Variants in ITGA6 observed in about 807,000 individuals in gnomAD.
ITGA6 encodes integrin alpha-6.
Under a neutral mutation model 133.6 loss-of-function variants are expected in ITGA6, and 63 were observed. The ratio of observed to expected loss-of-function variants is 0.47; its 90% CI spans 0.38 to 0.58. The LOEUF (loss-of-function observed/expected upper bound fraction) is 0.58. Ranked by LOEUF, ITGA6 falls within the 20% of genes least tolerant of loss-of-function variation. ITGA6 has a pLI of 0.00. For synonymous variants in ITGA6, 434 were observed against 482.0 expected, an observed-to-expected ratio of 0.90 and a Z score of 1.30; for missense variants, 1,068 against 1,309.4, an observed-to-expected ratio of 0.82 and a Z score of 2.85.
chr2:172,456,512 A>G (rs1685214469), intron 1 of ITGA6, among the ~76,000 whole-genome samples: 1 of 152,222 alleles, frequency 6.6e-6, no homozygotes, highest in African/African-American at 2.4e-5. Flanking sequence ...TGAATGTTCA[A>G]TCTTTAGACA....
At chr2:172,494,270 GC>G (rs761886427) in intron 23 of ITGA6, among the ~76,000 whole-genome samples, 2 of 152,174 alleles carry the variant, frequency 1.3e-5, no homozygotes, top group Non-Finnish European at 2.9e-5. Context: ...ACTTTGGGAG[GC>G]CAAGGCAGGC....
chr2:172,478,693 G>T (rs1240111836), intron 9 of ITGA6, among the ~76,000 whole-genome samples: 1 of 152,242 alleles, frequency 6.6e-6, no homozygotes, highest in Non-Finnish European at 1.5e-5. Context: ...GCAGTAGGCA[G>T]CGCAGAGATG....
In ITGA6 at chr2:172,484,778, C is replaced by A; in HGVS notation, c.1550-4C>A. On this transcript the variant is annotated splice_region_variant and splice_polypyrimidine_tract_variant and intron_variant, in intron 11 of 25. Transcript: ENST00000684293. The stretch of plus-strand genomic sequence containing the variant: ...TACGTTAATATGATTTTAATTTTAT[C>A]TAGCAATTGTGGGCACACTTGAAGC... The A allele has an allele frequency of 6.2e-7, 1 of 1,613,154 alleles. No homozygotes were observed. Among genetic ancestry groups the A allele is most frequent in the East Asian group, 2.2e-5 (1 of 44,880 alleles).
intron 25 of ITGA6, chr2:172,503,886 A>G (rs1687450627): frequency 2.7e-6 from 1 of 376,816 alleles, no homozygotes. Context: ...CTTTTCTTCC[A>G]GTTTTACAGC....
chr2:172,454,794 T>C (rs983640004), intron 1 of ITGA6, among the ~76,000 whole-genome samples: 1 of 152,128 alleles, frequency 6.6e-6, no homozygotes, highest in Non-Finnish European at 1.5e-5. Context: ...GGCCCAGTGG[T>C]TCTTGTAATG....
chr2:172,432,771 C>T (rs1490703908), intron 1 of ITGA6, among the ~76,000 whole-genome samples: 1 of 152,182 alleles, frequency 6.6e-6, no homozygotes, highest in Non-Finnish European at 1.5e-5. Flanking sequence ...ACCTACACTG[C>T]AGTGGGTACT....
chr2:172,442,538 T>A (rs1684587787), intron 1 of ITGA6, among the ~76,000 whole-genome samples: 1 of 152,164 alleles, frequency 6.6e-6, no homozygotes, highest in Non-Finnish European at 1.5e-5. Flanking sequence ...AGAGTTCCTG[T>A]CTCTGATGTC....
intron 8 of ITGA6, 84 bp from the exon 9 acceptor site, chr2:172,476,311 G>C: frequency 1.2e-6 from 1 of 821,540 alleles, no homozygotes; most frequent in South Asian, 1.3e-5. Flanking sequence ...CAGTTCAAAA[G>C]AAACTTGTGT....
At chr2:172,431,047 A>G (rs1452126572) in intron 1 of ITGA6, among the ~76,000 whole-genome samples, 1 of 152,124 alleles carries the variant, frequency 6.6e-6, no homozygotes. Context: ...ATTTCTGCCA[A>G]CCCTCATTTT....
chr2:172,479,535 G>A (rs891904712), intron 9 of ITGA6, 106 bp from the exon 10 acceptor site: 1 of 908,918 alleles, frequency 1.1e-6, no homozygotes, highest in East Asian at 2.4e-5. Context: ...TTTTTCCTGT[G>A]TTTTTAAGCT....
chr2:172,430,901 A>G (rs565267593), intron 1 of ITGA6, among the ~76,000 whole-genome samples: 1 of 152,330 alleles, frequency 6.6e-6, no homozygotes, highest in African/African-American at 2.4e-5. Flanking sequence ...AAGGTATGTG[A>G]TGATGACTGT....
intron 23 of ITGA6, among the ~76,000 whole-genome samples, chr2:172,497,581 T>A (rs1687180363): frequency 1.3e-5 from 2 of 152,054 alleles, no homozygotes; most frequent in South Asian, 4.1e-4. Flanking sequence ...CTGTTAGATC[T>A]ATTTAACTGG....
In ITGA6 at chr2:172,493,801, CCT is replaced by C. The variant is rs1687018367; in HGVS notation, c.2988+2281_2988+2282del. On this transcript the variant is annotated intron_variant, in intron 23 of 25. Transcript: ENST00000684293. ...AGACCAGACCTTGGGTCTGATGTCT[CCT>C]CTTCAAGTGCTGTCTTCTTCTGGAA... Among the ~76,000 whole-genome samples the C allele has an allele frequency of 2.0e-5, 3 of 152,300 alleles. No homozygotes were observed. In the South Asian group the frequency reaches 6.2e-4, roughly 32 times the overall value.
rs144420350 is a variant in ITGA6, at chr2:172,488,237, G to C, written c.2505+9G>C. The C allele has an allele frequency of 9.9e-4, 1,573 of 1,582,704 alleles. 6 individuals are homozygous for C. The African/African-American group carries it at 0.014, about 14-fold the overall frequency. ...TAGAGTATGAATTCAGGGTAAGTTG[G>C]AGCAGTTGGTCTTTTCATTATACCA... On this transcript the variant is annotated intron_variant, in intron 19 of 25. Coordinates refer to ENST00000684293, the MANE Select transcript of ITGA6 (RefSeq NM_000210.4).
At chr2:172,444,011 G>A (rs1432840138) in intron 1 of ITGA6, among the ~76,000 whole-genome samples, 3 of 152,220 alleles carry the variant, frequency 2.0e-5, no homozygotes, top group African/African-American at 7.2e-5. Flanking sequence ...CTGGGCTCAA[G>A]TGATCCTCCC....
At chr2:172,465,866 C>T (rs932207091) in intron 2 of ITGA6, 1 of 743,600 alleles carries the variant, frequency 1.3e-6, no homozygotes, top group South Asian at 1.7e-5. Context: ...TTTTGCTGCT[C>T]CTCCTAACCG....
At chr2:172,475,572 T>G in intron 7 of ITGA6, 25 bp from the exon 8 acceptor site, 1 of 1,297,002 alleles carries the variant, frequency 7.7e-7, no homozygotes, top group Non-Finnish European at 1.1e-6. Context: ...TTTGTTAAAA[T>G]GTTAAAATGT....
intron 1 of ITGA6, among the ~76,000 whole-genome samples, chr2:172,444,894 A>T (rs1471534025): frequency 6.6e-6 from 1 of 151,916 alleles, no homozygotes; most frequent in Non-Finnish European, 1.5e-5. Context: ...AATATTCTTA[A>T]ATCTGTAAGT....
chr2:172,490,171 T>C (rs1416228474), intron 20 of ITGA6, among the ~76,000 whole-genome samples: 1 of 152,246 alleles, frequency 6.6e-6, no homozygotes, highest in East Asian at 1.9e-4. Flanking sequence ...ATTCTCTGGA[T>C]GGTCCTATGA....
Sources: gnomAD v4.1 joint callset for allele counts (sites outside exome capture counted in the v4.1 genomes callset) on GRCh38, gnomAD v4.1.1 for gene constraint, MANE v1.5 for transcripts, NCBI Gene and HGNC (gene_info 2026-07-23, HGNC 2026-07-21) for gene names.